BLTP1: variants seen among roughly 807,000 people sequenced by gnomAD.
BLTP1 encodes the protein bridge-like lipid transfer protein family member 1.
chr4:122,269,342 A>G, the BLTP1 span: 1 of 890,926 alleles, frequency 1.1e-6, no homozygotes, highest in Non-Finnish European at 1.3e-6. Context: ...ATATAATACT[A>G]CAACAGACTA....
At chr4:122,302,508 T>A in the BLTP1 span, among the ~76,000 whole-genome samples, 2 of 152,334 alleles carry the variant, frequency 1.3e-5, no homozygotes, top group Middle Eastern at 3.4e-3. Context: ...CTGCGGGAAT[T>A]GTTTAGGGGC....
the BLTP1 span, among the ~76,000 whole-genome samples, chr4:122,178,578 GAGAAAGGTATTAATT>G: frequency 2.1e-4 from 32 of 152,364 alleles, no homozygotes; most frequent in African/African-American, 7.5e-4. Flanking sequence ...AAGGCATAAA[GAGAAAGGTATTAATT>G]TCTGAATGTA....
chr4:122,234,630 A>C, the BLTP1 span: 1 of 933,222 alleles, frequency 1.1e-6, no homozygotes, highest in East Asian at 2.7e-5. Context: ...ACACAGTGGG[A>C]ATAAACCTTT....
the BLTP1 span, among the ~76,000 whole-genome samples, chr4:122,252,399 C>T: frequency 3.3e-5 from 5 of 152,224 alleles, no homozygotes; most frequent in African/African-American, 4.8e-5. Flanking sequence ...CTGGACCTGC[C>T]CTGGGTCAGC....
At chr4:122,294,693 C>A in the BLTP1 span, among the ~76,000 whole-genome samples, 3 of 152,088 alleles carry the variant, frequency 2.0e-5, no homozygotes, top group African/African-American at 7.2e-5. Context: ...ACTCAAAAAG[C>A]CAGAGTGTCT....
At chr4:122,197,363 A>G in the BLTP1 span, 65 of 1,042,974 alleles carry the variant, frequency 6.2e-5, no homozygotes, top group African/African-American at 1.0e-3. Context: ...ACTAACATTA[A>G]TAAGGTTTTC....
the BLTP1 span, chr4:122,274,321 A>T: frequency 8.2e-7 from 1 of 1,226,890 alleles, no homozygotes; most frequent in Non-Finnish European, 1.2e-6. Flanking sequence ...AATTCAAATA[A>T]ATATTTTTTC....
At chr4:122,175,011 AT>A in the BLTP1 span, 4 of 929,380 alleles carry the variant, frequency 4.3e-6, no homozygotes, top group Non-Finnish European at 5.1e-6. Context: ...CTTATTAGAG[AT>A]AATAAGTTTA....
At chr4:122,215,913 C>T in the BLTP1 span, among the ~76,000 whole-genome samples, 4 of 151,988 alleles carry the variant, frequency 2.6e-5, no homozygotes, top group East Asian at 3.9e-4. Context: ...GCTTATCCCC[C>T]ACTTATGAGT....
the BLTP1 span, chr4:122,212,129 T>C: frequency 2.2e-5 from 20 of 929,602 alleles, no homozygotes; most frequent in Non-Finnish European, 2.4e-5. Context: ...GGTTTGTTAG[T>C]AAAGGCTCTC....
the BLTP1 span, chr4:122,246,469 A>G: frequency 1.6e-6 from 1 of 610,306 alleles, no homozygotes. Context: ...TAGTTTACTT[A>G]AGCAGAATAT....
the BLTP1 span, chr4:122,201,768 G>A: frequency 1.7e-6 from 1 of 580,464 alleles, no homozygotes; most frequent in Non-Finnish European, 2.2e-6. Context: ...TAATTTGCCA[G>A]GGTCAGTTGG....
the BLTP1 span, among the ~76,000 whole-genome samples, chr4:122,195,105 A>G: frequency 6.6e-6 from 1 of 152,200 alleles, no homozygotes; most frequent in Non-Finnish European, 1.5e-5. Context: ...GCAGCCATCT[A>G]TTAACATAAG....
chr4:122,228,754 A>T, the BLTP1 span, among the ~76,000 whole-genome samples: 16 of 152,134 alleles, frequency 1.1e-4, no homozygotes, highest in African/African-American at 3.1e-4. Context: ...CCTGTAAGAA[A>T]ACCTTACAAC....
the BLTP1 span, chr4:122,238,428 TTCCCTCTCCAC>T: frequency 1.7e-6 from 2 of 1,188,430 alleles, no homozygotes; most frequent in East Asian, 4.7e-5. Flanking sequence ...GAAAAACTTC[TTCCCTCTCCAC>T]TCCCCCACTT....
the BLTP1 span, among the ~76,000 whole-genome samples, chr4:122,169,346 T>G: frequency 6.6e-6 from 1 of 152,196 alleles, no homozygotes; most frequent in African/African-American, 2.4e-5. Flanking sequence ...CAAATTTCAA[T>G]TAGAAAGTTA....
chr4:122,187,429 A>C, the BLTP1 span: 1 of 1,610,688 alleles, frequency 6.2e-7, no homozygotes, highest in Non-Finnish European at 8.5e-7. Context: ...TTTTCTTGTT[A>C]GAGTTAAAGT....
the BLTP1 span, chr4:122,336,343 G>A: frequency 6.9e-6 from 11 of 1,604,038 alleles, no homozygotes; most frequent in African/African-American, 1.3e-5. Flanking sequence ...CAGTTGAAAG[G>A]AATTATACAG....
the BLTP1 span, chr4:122,247,938 A>C: frequency 1.0e-6 from 1 of 984,108 alleles, no homozygotes; most frequent in Non-Finnish European, 1.2e-6. Flanking sequence ...ATTCAGAAAA[A>C]GTTAGATTTG....
Sources: gnomAD v4.1 joint callset for allele counts (sites outside exome capture counted in the v4.1 genomes callset) on GRCh38, gnomAD v4.1.1 for gene constraint, MANE v1.5 for transcripts, NCBI Gene and HGNC (gene_info 2026-07-23, HGNC 2026-07-21) for gene names.